The following CCDC91 variants were observed in gnomAD, a reference collection of about 807,000 sequenced individuals.
The protein encoded by CCDC91 is coiled-coil domain containing 91.
CCDC91 carries 48 observed loss-of-function variants against 63.2 expected under a neutral mutation model. The observed-to-expected ratio is 0.76, with a 90% CI of 0.60 to 0.97. The LOEUF is 0.97. CCDC91 is among the 50% of genes least tolerant of loss of function. The probability of loss-of-function intolerance (pLI) is 0.00; values close to 1 mark genes in which losing one functional copy is unlikely to be tolerated. For synonymous variants in CCDC91, 167 were observed against 165.8 expected (o/e 1.01, Z -0.06); for missense variants, 500 against 494.6 (o/e 1.01, Z -0.10).
At chr12:28,199,731 A>G (rs1255899672) in intron 1 of CCDC91, among the ~76,000 whole-genome samples, 1 of 152,206 alleles carries the variant, frequency 6.6e-6, no homozygotes, top group Non-Finnish European at 1.5e-5. Context: ...CTTAGTTGGC[A>G]GTCTTTTTCT....
chr12:28,199,335 T>C (rs1364149018), intron 1 of CCDC91, among the ~76,000 whole-genome samples: 6 of 152,186 alleles, frequency 3.9e-5, no homozygotes, highest in Admixed American at 3.3e-4. Context: ...TTTACAAATT[T>C]TGTTCCTATA....
At chr12:28,268,695 G>A (rs1483196143) in intron 3 of CCDC91, 7 of 983,802 alleles carry the variant, frequency 7.1e-6, no homozygotes, top group Non-Finnish European at 8.4e-6. Context: ...TCAGAGGGTA[G>A]AAGTCATCAT....
intron 1 of CCDC91, among the ~76,000 whole-genome samples, chr12:28,210,680 C>T (rs548493727): frequency 1.3e-5 from 2 of 152,108 alleles, no homozygotes; most frequent in South Asian, 4.2e-4. Context: ...TTTTTATTAC[C>T]TGACTTTAGC....
rs1565770986 is a variant in CCDC91 at position 28,306,802 on chromosome 12, GA to G, written c.334del (p.Ser112ValfsTer51). Reference sequence around the variant, plus strand: ...ACTTTTTCCATTGGGTTTAACTGATGAAAAAAGTAATGGAACAATTGCCCTT... The same window carrying G: ...ACTTTTTCCATTGGGTTTAACTGATGAAAAAGTAATGGAACAATTGCCCTT... ...ISLFPLGLTD[E>X]KSNGTIALVD... On this transcript the variant is annotated frameshift_variant, in exon 5 of 13. Coordinates refer to ENST00000536442, the MANE Select transcript of CCDC91 (RefSeq NM_018318.5). LOFTEE classifies it high-confidence loss of function. 1 of 1,611,912 alleles carries G rather than the reference GA, an allele frequency of 6.2e-7. No individual in the cohort carries two copies. The highest frequency in any genetic ancestry group is 8.5e-7 in the Non-Finnish European group (1 of 1,178,680).
At chr12:28,262,316 A>G (rs1180393393) in intron 3 of CCDC91, among the ~76,000 whole-genome samples, 5 of 152,072 alleles carry the variant, frequency 3.3e-5, no homozygotes, top group African/African-American at 9.7e-5. Context: ...TTAAAATCCA[A>G]GAAGAGCACT....
At chr12:28,279,503 C>G (rs2136539956) in intron 3 of CCDC91, among the ~76,000 whole-genome samples, 1 of 152,122 alleles carries the variant, frequency 6.6e-6, no homozygotes. Flanking sequence ...TGAACTAAAC[C>G]ATGCATTTCC....
chr12:28,463,086 G>A (rs1345503367), intron 11 of CCDC91, among the ~76,000 whole-genome samples: 1 of 152,156 alleles, frequency 6.6e-6, no homozygotes, highest in Non-Finnish European at 1.5e-5. Context: ...GAAGTTACAA[G>A]TATGAATGAG....
intron 8 of CCDC91, among the ~76,000 whole-genome samples, chr12:28,435,142 T>G (rs946836901): frequency 2.0e-5 from 3 of 151,764 alleles, no homozygotes; most frequent in African/African-American, 4.8e-5. Flanking sequence ...TTTCATTGAT[T>G]TCTGCTCTTA....
intron 8 of CCDC91, among the ~76,000 whole-genome samples, chr12:28,421,988 C>T (rs1239918044): frequency 3.9e-5 from 6 of 152,032 alleles, no homozygotes; most frequent in Non-Finnish European, 8.8e-5. Flanking sequence ...TCTAATTTGC[C>T]TATACATACT....
chr12:28,201,432 C>T (rs529602522), intron 1 of CCDC91, among the ~76,000 whole-genome samples: 6 of 136,506 alleles, frequency 4.4e-5, no homozygotes, highest in East Asian at 2.0e-4. Context: ...AGACGATGGG[C>T]GGCCAGGCAG....
intron 1 of CCDC91, among the ~76,000 whole-genome samples, chr12:28,235,751 G>GTATCA (rs920393209): frequency 6.6e-6 from 1 of 151,904 alleles, no homozygotes; most frequent in African/African-American, 2.4e-5. Flanking sequence ...CTAGGTCTGA[G>GTATCA]TATCATGTTT....
intron 1 of CCDC91, among the ~76,000 whole-genome samples, chr12:28,256,525 C>G (rs1208207932): frequency 3.3e-5 from 5 of 151,238 alleles, no homozygotes; most frequent in African/African-American, 1.2e-4. Context: ...TATTTGAGTG[C>G]TTGTCTCTCT....
At chr12:28,219,656 G>A (rs987868425) in intron 1 of CCDC91, among the ~76,000 whole-genome samples, 5 of 151,890 alleles carry the variant, frequency 3.3e-5, no homozygotes, top group East Asian at 1.9e-4. Flanking sequence ...TATTTTTTTA[G>A]TAGAGACGGG....
At chr12:28,300,033 T>A (rs1937881258) in intron 3 of CCDC91, among the ~76,000 whole-genome samples, 2 of 151,518 alleles carry the variant, frequency 1.3e-5, no homozygotes, top group Non-Finnish European at 3.0e-5. Flanking sequence ...AGTTGGTTTT[T>A]ATATTTGTTT....
intron 6 of CCDC91, among the ~76,000 whole-genome samples, chr12:28,327,278 G>A (rs549417183): frequency 6.6e-6 from 1 of 152,230 alleles, no homozygotes; most frequent in South Asian, 2.1e-4. Flanking sequence ...AGACAAGCAA[G>A]CTGGAAGCTT....
intron 1 of CCDC91, among the ~76,000 whole-genome samples, chr12:28,202,556 C>T (rs1942542028): frequency 1.3e-5 from 2 of 152,162 alleles, no homozygotes; most frequent in Non-Finnish European, 2.9e-5. Context: ...CAGTTATTTC[C>T]CTAATGCTTG....
intron 12 of CCDC91, among the ~76,000 whole-genome samples, chr12:28,517,448 C>T (rs1214050337): frequency 6.6e-6 from 1 of 151,956 alleles, no homozygotes; most frequent in East Asian, 1.9e-4. Flanking sequence ...GCATATCATT[C>T]TGTATGGGTA....
At chr12:28,259,713 G>A (rs11049490) in intron 3 of CCDC91, among the ~76,000 whole-genome samples, 1 of 151,872 alleles carries the variant, frequency 6.6e-6, no homozygotes, top group East Asian at 1.9e-4. Context: ...ATTTATCTTA[G>A]TTTTTGGAAG....
chr12:28,543,541 T>C (rs992732814), intron 12 of CCDC91, among the ~76,000 whole-genome samples: 2 of 152,084 alleles, frequency 1.3e-5, no homozygotes, highest in Admixed American at 1.3e-4. Flanking sequence ...CCCATGACTG[T>C]ATTCTCTTCC....
Sources: allele counts gnomAD v4.1 joint callset (sites outside exome capture counted in the v4.1 genomes callset), GRCh38; gene constraint gnomAD v4.1.1; transcripts MANE v1.5; gene names NCBI Gene and HGNC (gene_info 2026-07-23, HGNC 2026-07-21).